The following MMP27 variants were observed in gnomAD, a reference collection of about 807,000 sequenced individuals.
The protein encoded by MMP27 is matrix metallopeptidase 27.
Under a neutral mutation model 48.1 loss-of-function variants are expected in MMP27, and 51 were observed. That is an observed-to-expected ratio of 1.06 (90% CI 0.85 to 1.34). The LOEUF (loss-of-function observed/expected upper bound fraction) is 1.34, where lower values mean the gene tolerates loss of function less well. MMP27 is among the 40% of genes most tolerant of loss of function. The pLI, the probability that MMP27 is intolerant of heterozygous loss-of-function variation, is 0.00. For missense variants in MMP27, 698 were observed against 619.3 expected (o/e 1.13, Z -1.35); for synonymous variants, 229 against 208.9 (o/e 1.10, Z -0.83).
Position 102,691,878 on chromosome 11 carries a change from A to G in MMP27, c.1430T>C (p.Ile477Thr), listed in dbSNP as rs1252891865. The G allele has an allele frequency of 1.2e-6, 2 of 1,613,510 alleles. No homozygotes were observed. Among genetic ancestry groups the G allele is most frequent in the Non-Finnish European group, 1.7e-6 (2 of 1,179,790 alleles). ...EPKNSSFGFD[I>T]NKEKAHSGGI... ...TCCTGAATGTGCTTTTTCCTTGTTG[A>G]TATCAAAACCAAATGAGGAGTTCTT... The change falls in exon 10 of 10, where the codon ATC (isoleucine) becomes ACC (threonine). Residue 477 changes from isoleucine (I) to threonine (T), a missense_variant. Ile to Thr is a moderately conservative substitution (Grantham distance 89, BLOSUM62 -1). Transcript: ENST00000260229.
intron 6 of MMP27, among the ~76,000 whole-genome samples, chr11:102,696,153 C>T (rs1353261211): frequency 6.6e-6 from 1 of 152,162 alleles, no homozygotes; most frequent in Non-Finnish European, 1.5e-5. Context: ...CTTTCTTATG[C>T]AATGGCAATT....
At chr11:102,702,701 C>T in intron 4 of MMP27, 52 bp downstream of exon 4, 1 of 1,541,610 alleles carries the variant, frequency 6.5e-7, no homozygotes, top group Non-Finnish European at 8.7e-7. Flanking sequence ...CTATTCTTTT[C>T]AGGGATTCTT....
intron 2 of MMP27, 58 bp from the exon 3 acceptor site, chr11:102,703,176 C>T (rs921660316): frequency 4.7e-6 from 7 of 1,493,932 alleles, no homozygotes; most frequent in Non-Finnish European, 6.4e-6. Flanking sequence ...AATATACACA[C>T]ATAACTACAA....
Position 102,705,768 on chromosome 11 carries a change from A to G in MMP27, c.-54T>C. On this transcript the variant is annotated 5_prime_UTR_variant, in exon 1 of 10. Transcript: ENST00000260229. ...CTGTTAGCACAGAATTTAGAAAATA[A>G]TAGTGAGACGTGGCATGAATTGGCT... is the stretch of plus-strand genomic sequence containing the variant. 5 of 1,217,288 alleles carry G rather than the reference A, an allele frequency of 4.1e-6. No homozygotes were observed. The South Asian group carries it at 6.9e-5, about 17-fold the overall frequency. The allele number at this position is 1,217,288 out of a possible 1,614,324, so 75.4% of individuals were successfully genotyped here.
chr11:102,703,364 G>C (rs117849447), intron 2 of MMP27, among the ~76,000 whole-genome samples: 1,785 of 152,188 alleles, frequency 0.012, 22 homozygotes, highest in Admixed American at 0.024. Flanking sequence ...GGCTGAAAGA[G>C]GTTAAATGAC....
At chr11:102,696,566 A>G in intron 5 of MMP27, 75 bp from the exon 6 acceptor site, 1 of 1,580,304 alleles carries the variant, frequency 6.3e-7, no homozygotes, top group Non-Finnish European at 8.6e-7. Flanking sequence ...GTCTTACCTA[A>G]GTGGATATTT....
At chr11:102,696,556 G>T (rs1330543859) in intron 5 of MMP27, 65 bp from the exon 6 acceptor site, 1 of 1,590,652 alleles carries the variant, frequency 6.3e-7, no homozygotes, top group Non-Finnish European at 8.6e-7. Context: ...CTACACAAGG[G>T]TCTTACCTAA....
intron 8 of MMP27, 85 bp from the exon 9 acceptor site, chr11:102,693,126 G>T: frequency 1.1e-6 from 1 of 947,560 alleles, no homozygotes. Flanking sequence ...GAGTCAAGCA[G>T]GGATGTGGGG....
At chr11:102,704,850 A>T in intron 1 of MMP27, 75 bp from the exon 2 acceptor site, 1 of 883,758 alleles carries the variant, frequency 1.1e-6, no homozygotes. Flanking sequence ...AGGATAAAGC[A>T]AAATTGCCTA....
chr11:102,704,861 A>G (rs1303275160), intron 1 of MMP27, 86 bp from the exon 2 acceptor site: 1 of 822,592 alleles, frequency 1.2e-6, no homozygotes, highest in African/African-American at 1.7e-5. Flanking sequence ...AAATTGCCTA[A>G]AATTCCTTCT....
At chr11:102,694,936 G>A in intron 7 of MMP27, 31 bp downstream of exon 7, 1 of 1,611,800 alleles carries the variant, frequency 6.2e-7, no homozygotes, top group Non-Finnish European at 8.5e-7. Context: ...GCAGCCAGAG[G>A]GAGAAGAGGA....
At chr11:102,697,844 T>C (rs1004659489) in intron 4 of MMP27, among the ~76,000 whole-genome samples, 10 of 152,174 alleles carry the variant, frequency 6.6e-5, no homozygotes, top group African/African-American at 2.4e-4. Context: ...TTATTGTGAC[T>C]TAGCTTAAAA....
At position 102,691,779 on chromosome 11, in the gene MMP27, G is replaced by C; in HGVS notation, c.1529C>G (p.Ser510Cys). The change falls in exon 10 of 10, where the codon TCT becomes TGT. Residue 510 changes from serine to cysteine, a missense_variant. Ser to Cys is a moderately radical substitution (Grantham distance 112). Transcript: ENST00000260229. The part of the protein sequence containing the change: ...FGIVHLLKNT[S>C]IYQ ...AGGTCTATGAATTTATTGATAAATA[G>C]AAGTGTTTTTCAGCAAATGAACAAT... is the stretch of plus-strand genomic sequence containing the variant. 4 of 1,591,510 alleles carry C rather than the reference G, an allele frequency of 2.5e-6. No homozygotes were observed. Among genetic ancestry groups the C allele is most frequent in the African/African-American group, 1.3e-5 (1 of 74,346 alleles).
At position 102,691,669 on chromosome 11, in the gene MMP27, T is replaced by C; in HGVS notation, c.*97A>G. The C allele has an allele frequency of 8.9e-7, 1 of 1,124,894 alleles. No homozygotes were observed. Among genetic ancestry groups the C allele is most frequent in the South Asian group, 1.8e-5 (1 of 55,016 alleles). The allele number at this position is 1,124,894 out of a possible 1,614,324, so 69.7% of individuals were successfully genotyped here. On this transcript the variant is annotated 3_prime_UTR_variant, in exon 10 of 10. Transcript: ENST00000260229. ...GCCATTGAATTTGGATATTTAGAACTAGGACCAGCAACTTGTTGTTAAAGA... is the reference window on the plus strand; with the variant it reads ...GCCATTGAATTTGGATATTTAGAACCAGGACCAGCAACTTGTTGTTAAAGA...
rs761059781 is a variant in MMP27 at position 102,702,964 on chromosome 11, C to T, written c.490+6G>A. The T allele has an allele frequency of 1.2e-6, 2 of 1,613,196 alleles. No individual in the cohort carries two copies. The highest frequency in any genetic ancestry group is 1.7e-6 in the Non-Finnish European group (2 of 1,179,724). ...AAATAGCTTTGCTCTCTGTTGAAAA[C>T]CTTACCTCGAGTCCTAAAGGCAATC... On this transcript the variant is annotated splice_donor_region_variant and intron_variant, in intron 3 of 9. Coordinates refer to ENST00000260229, the MANE Select transcript of MMP27 (RefSeq NM_022122.3).
chr11:102,692,913 C>A, intron 9 of MMP27, 25 bp downstream of exon 9: 2 of 1,565,550 alleles, frequency 1.3e-6, no homozygotes, highest in Non-Finnish European at 1.8e-6. Flanking sequence ...TCAAGTATCC[C>A]AATAAGTGAG....
chr11:102,694,695 G>A (rs1481688992), intron 7 of MMP27, among the ~76,000 whole-genome samples: 3 of 152,058 alleles, frequency 2.0e-5, no homozygotes, highest in Non-Finnish European at 2.9e-5. Flanking sequence ...GAACATTAAA[G>A]ACAGATTAAT....
intron 9 of MMP27, among the ~76,000 whole-genome samples, chr11:102,692,559 A>C (rs954881000): frequency 6.6e-6 from 1 of 152,182 alleles, no homozygotes; most frequent in Non-Finnish European, 1.5e-5. Context: ...TATCACTCAC[A>C]ATTCTGCCTC....
intron 7 of MMP27, 148 bp downstream of exon 7, chr11:102,694,819 T>C (rs567440026): frequency 1.0e-5 from 8 of 802,472 alleles, no homozygotes; most frequent in Admixed American, 9.2e-5. Flanking sequence ...ATCCTGGTTA[T>C]TTATATTCTT....
Sources: gnomAD v4.1 joint callset for allele counts (sites outside exome capture counted in the v4.1 genomes callset) on GRCh38, gnomAD v4.1.1 for gene constraint, MANE v1.5 for transcripts, NCBI Gene and HGNC (gene_info 2026-07-23, HGNC 2026-07-21) for gene names.